Variants in CFAP20DC observed in about 807,000 individuals in gnomAD.
The protein encoded by CFAP20DC is CFAP20 domain containing, also known as protein CFAP20DC.
A neutral mutation model predicts 101.7 loss-of-function variants in CFAP20DC; 84 were observed. That is an observed-to-expected ratio of 0.83 (90% CI 0.69 to 0.99). CFAP20DC has a LOEUF of 0.99. CFAP20DC is among the 50% of genes least tolerant of loss of function. The pLI is 0.00. For missense variants in CFAP20DC, 1,007 were observed against 970.3 expected (o/e 1.04, Z -0.50); for synonymous variants, 359 against 351.2 (o/e 1.02, Z -0.25).
chr3:58,862,491 C>T (rs1344122810), intron 12 of CFAP20DC: 1 of 985,284 alleles, frequency 1.0e-6, no homozygotes, highest in African/African-American at 1.7e-5. Flanking sequence ...TCATGACACT[C>T]AGAAGCAAGA....
Position 58,884,685 on chromosome 3 carries a change from G to C in CFAP20DC, c.575C>G (p.Thr192Arg), listed in dbSNP as rs770153524. The C allele has an allele frequency of 6.2e-7, 1 of 1,613,230 alleles. No individual in the cohort carries two copies. Among genetic ancestry groups the C allele is most frequent in the Admixed American group, 1.7e-5 (1 of 59,938 alleles). ...TGGTATAATATCTGTAGGCTCATCT[G>C]TTGAAAAGGGAACACCATAGACAGC... ...KDAVYGVPFS[T>R]DEPTDIIPRS... The change falls in exon 7 of 17, where the codon ACA becomes AGA. Residue 192 changes from threonine (T) to arginine (R), a missense_variant. By Grantham distance (71) the Thr-to-Arg change is moderately conservative (BLOSUM62 -1). Coordinates refer to ENST00000482387, the MANE Select transcript of CFAP20DC (RefSeq NM_001394063.1).
chr3:58,812,104 C>G (rs541194467), intron 14 of CFAP20DC, among the ~76,000 whole-genome samples: 65 of 152,200 alleles, frequency 4.3e-4, no homozygotes, highest in Non-Finnish European at 6.8e-4. Context: ...TACACTGTTG[C>G]TGGGACTGTA....
chr3:58,761,458 C>G (rs2069585713), intron 15 of CFAP20DC, among the ~76,000 whole-genome samples: 1 of 152,084 alleles, frequency 6.6e-6, no homozygotes, highest in Non-Finnish European at 1.5e-5. Flanking sequence ...AGTGGTCTAT[C>G]AATTTTGTTG....
chr3:58,775,871 A>G (rs971446511), intron 15 of CFAP20DC, among the ~76,000 whole-genome samples: 2 of 150,430 alleles, frequency 1.3e-5, no homozygotes, highest in East Asian at 2.0e-4. Context: ...TCAGCCTCCT[A>G]AGTAGCTGGG....
intron 4 of CFAP20DC, among the ~76,000 whole-genome samples, chr3:58,954,603 G>A (rs1373256567): frequency 6.6e-6 from 1 of 152,122 alleles, no homozygotes; most frequent in African/African-American, 2.4e-5. Flanking sequence ...GCCAATAGAA[G>A]ATGGTTCTGT....
At chr3:58,842,426 C>G (rs892200024) in intron 13 of CFAP20DC, among the ~76,000 whole-genome samples, 22 of 152,120 alleles carry the variant, frequency 1.4e-4, no homozygotes, top group Admixed American at 2.6e-4. Context: ...AAAATCGGGT[C>G]ACTCCCACCC....
intron 4 of CFAP20DC, among the ~76,000 whole-genome samples, chr3:59,008,512 T>C (rs1461062128): frequency 6.6e-6 from 1 of 152,160 alleles, no homozygotes; most frequent in East Asian, 1.9e-4. Flanking sequence ...ATACACACCA[T>C]GGAATACTAT....
intron 15 of CFAP20DC, among the ~76,000 whole-genome samples, chr3:58,791,961 G>A (rs1222333737): frequency 6.6e-6 from 1 of 152,176 alleles, no homozygotes; most frequent in East Asian, 1.9e-4. Context: ...AGGAAACCTA[G>A]AAGTGCAATA....
At chr3:58,862,472 CTAAT>C in intron 12 of CFAP20DC, 40 of 985,386 alleles carry the variant, frequency 4.1e-5, no homozygotes, top group Non-Finnish European at 4.8e-5. Flanking sequence ...TTTGGTATGA[CTAAT>C]TGTTTCATGA....
At chr3:59,041,256 A>T (rs1699356186) in intron 3 of CFAP20DC, among the ~76,000 whole-genome samples, 1 of 152,128 alleles carries the variant, frequency 6.6e-6, no homozygotes, top group Non-Finnish European at 1.5e-5. Flanking sequence ...ACAAAGAGTT[A>T]CACACATAGG....
At chr3:58,886,309 G>C (rs1403819931) in intron 6 of CFAP20DC, among the ~76,000 whole-genome samples, 1 of 152,110 alleles carries the variant, frequency 6.6e-6, no homozygotes, top group African/African-American at 2.4e-5. Context: ...AGACAGTAAA[G>C]AGCCACAATA....
chr3:58,911,610 G>T (rs112606007), intron 6 of CFAP20DC, among the ~76,000 whole-genome samples: 5 of 152,022 alleles, frequency 3.3e-5, no homozygotes, highest in African/African-American at 1.2e-4. Flanking sequence ...CTATAATATA[G>T]TAACACTTAT....
intron 4 of CFAP20DC, among the ~76,000 whole-genome samples, chr3:58,942,504 C>T (rs915492740): frequency 9.9e-5 from 15 of 152,116 alleles, no homozygotes; most frequent in African/African-American, 3.1e-4. Flanking sequence ...CAAAGGAAGC[C>T]GTGAGGGACT....
chr3:58,831,183 G>T lies in CFAP20DC; in HGVS notation c.2175+503C>A, dbSNP rs114808828. 5.3e-3 allele frequency among the ~76,000 whole-genome samples: 808 copies of T among 152,330 alleles called. 9 individuals are homozygous for T. Among genetic ancestry groups the T allele is most frequent in the Middle Eastern group, 0.014 (4 of 294 alleles). On this transcript the variant is annotated intron_variant, in intron 14 of 16. Transcript: ENST00000482387. ...GAAACACATGGGAATATAAGCTTCT[G>T]AAGCATCCACAGTGCCTATCGTAGC...
chr3:59,015,379 A>G lies in CFAP20DC; in HGVS notation c.278+24178T>C, dbSNP rs2093667793. ...AGGAAAAGAAAAATTAGGAAGAAGAAGAATAAAAGAAGTAAAAGGCAAAGG... is the reference window on the plus strand; with the variant it reads ...AGGAAAAGAAAAATTAGGAAGAAGAGGAATAAAAGAAGTAAAAGGCAAAGG... On this transcript the variant is annotated intron_variant, in intron 4 of 16. Transcript: ENST00000482387. This position sits in a 1 kb window ranked among gnomAD's most constrained non-coding sequence, Gnocchi z 5.4. Among the ~76,000 whole-genome samples, 1 of 152,026 alleles carries G rather than the reference A, an allele frequency of 6.6e-6. No homozygotes were observed. Among genetic ancestry groups the G allele is most frequent in the South Asian group, 2.1e-4 (1 of 4,820 alleles).
chr3:58,863,910 T>A lies in CFAP20DC; in HGVS notation c.1259-18A>T, dbSNP rs367576176. The A allele has an allele frequency of 1.9e-6, 3 of 1,585,916 alleles. No homozygotes were observed. The highest frequency in any genetic ancestry group is 2.3e-5 in the South Asian group (2 of 86,780). On this transcript the variant is annotated intron_variant, in intron 11 of 16. Transcript: ENST00000482387. The surrounding 1 kb of genome is among the most constrained non-coding windows in gnomAD (Gnocchi z 5.9). ...CCACTCATCTGACAGTTGGAAAAGATGACAAAAATTAGAGCAGTAATCCAT... is the reference window on the plus strand; with the variant it reads ...CCACTCATCTGACAGTTGGAAAAGAAGACAAAAATTAGAGCAGTAATCCAT...
rs2074553156 is a variant in CFAP20DC, at chr3:58,810,792, T to C, written c.2176-4336A>G. Among the ~76,000 whole-genome samples, 4 of 151,728 alleles carry C rather than the reference T, an allele frequency of 2.6e-5. No individual in the cohort carries two copies. The South Asian group carries it at 8.4e-4, about 32-fold the overall frequency. On this transcript the variant is annotated intron_variant, in intron 14 of 16. Coordinates refer to ENST00000482387, the MANE Select transcript of CFAP20DC (RefSeq NM_001394063.1). Reference sequence around the variant, plus strand: ...CCTGTTTGCAGATGACATGATTGTATATCTAGAAAACCCCATTGTCTCAGT... The same window carrying C: ...CCTGTTTGCAGATGACATGATTGTACATCTAGAAAACCCCATTGTCTCAGT...
intron 4 of CFAP20DC, chr3:58,953,406 A>T (rs2090333714): frequency 6.6e-6 from 1 of 152,244 alleles, no homozygotes; most frequent in Non-Finnish European, 1.5e-5. Context: ...AAGTCTAATC[A>T]TTATGGCTCC....
At chr3:58,765,502 A>AC (rs1559559641) in intron 15 of CFAP20DC, among the ~76,000 whole-genome samples, 2 of 151,098 alleles carry the variant, frequency 1.3e-5, no homozygotes, top group Non-Finnish European at 3.0e-5. Flanking sequence ...AAAAAAAAAA[A>AC]AAAAACAAAC....
Sources: gnomAD v4.1 joint callset for allele counts (sites outside exome capture counted in the v4.1 genomes callset) on GRCh38, gnomAD v4.1.1 for gene constraint, Gnocchi (gnomAD v3.1) non-coding constraint, MANE v1.5 for transcripts, NCBI Gene and HGNC (gene_info 2026-07-23, HGNC 2026-07-21) for gene names.